Variants in NOL4L observed in about 807,000 individuals in gnomAD.
The protein encoded by NOL4L is nucleolar protein 4 like.
NOL4L carries 7 observed loss-of-function variants against 64.5 expected under a neutral mutation model. That is an observed-to-expected ratio of 0.11 (90% confidence interval 0.06 to 0.20). The LOEUF (loss-of-function observed/expected upper bound fraction) is 0.20. NOL4L is among the 10% of genes least tolerant of loss of function. The pLI is 1.00. For synonymous variants in NOL4L, 413 were observed against 401.0 expected, an observed-to-expected ratio of 1.03 and a Z score of -0.36; for missense variants, 680 against 967.1, an observed-to-expected ratio of 0.70 and a Z score of 3.94.
chr20:32,508,895 A>T (rs372894341), intron 4 of NOL4L, among the ~76,000 whole-genome samples: 336 of 152,244 alleles, frequency 2.2e-3, no homozygotes, highest in African/African-American at 7.8e-3. Context: ...TCGGCAACAG[A>T]ACTCCTCACA....
At chr20:32,488,843 C>CTTTCT (rs1568649020) in intron 4 of NOL4L, among the ~76,000 whole-genome samples, 1 of 62,638 alleles carries the variant, frequency 1.6e-5, no homozygotes, top group Non-Finnish European at 2.7e-5. Context: ...TTCTTTCTTT[C>CTTTCT]TTTCTTTCTT....
At chr20:32,527,257 G>A (rs2018166423) in intron 2 of NOL4L, among the ~76,000 whole-genome samples, 1 of 152,254 alleles carries the variant, frequency 6.6e-6, no homozygotes, top group East Asian at 1.9e-4. Context: ...CCTGGAGGGT[G>A]GGGAGCAGGT....
intron 1 of NOL4L, among the ~76,000 whole-genome samples, chr20:32,552,773 C>CG (rs1463034613): frequency 2.6e-5 from 4 of 152,194 alleles, no homozygotes; most frequent in African/African-American, 4.8e-5. Flanking sequence ...GAGGCCAAGA[C>CG]GGGCAGATTG....
Position 32,460,736 on chromosome 20 carries a change from C to A in NOL4L, c.842-4341G>T, listed in dbSNP as rs757039149. Among the ~76,000 whole-genome samples, 14 of 152,224 alleles carry A rather than the reference C, an allele frequency of 9.2e-5. No homozygotes were observed. The highest frequency in any genetic ancestry group is 1.9e-4 in the Non-Finnish European group (13 of 68,032). On this transcript the variant is annotated intron_variant, in intron 5 of 10. Transcript: ENST00000621426. The surrounding 1 kb of genome is among the most constrained non-coding windows in gnomAD (Gnocchi z 5.7). ...GCTTCTGGGGATCCCGGAGCCCAGC[C>A]TGTGACAGTCTGAGGTGGGCCCAGT...
chr20:32,554,213 C>T (rs1283244268), intron 1 of NOL4L, among the ~76,000 whole-genome samples: 1 of 147,608 alleles, frequency 6.8e-6, no homozygotes, highest in Non-Finnish European at 1.5e-5. Flanking sequence ...CCCAGCTACT[C>T]GGGAGGCTGA....
chr20:32,476,198 GACACACACACACACACACACAC>G, intron 4 of NOL4L, among the ~76,000 whole-genome samples: 1 of 141,084 alleles, frequency 7.1e-6, no homozygotes, highest in Non-Finnish European at 1.5e-5. Flanking sequence ...CACCCGGAGG[GACACACACACACACACACACAC>G]ACACACACAC....
intron 1 of NOL4L, among the ~76,000 whole-genome samples, chr20:32,574,321 C>A (rs1197370709): frequency 1.3e-5 from 2 of 152,144 alleles, no homozygotes; most frequent in Non-Finnish European, 2.9e-5. Context: ...TTTTTCCCAA[C>A]AACCTGCAGG....
At chr20:32,515,875 T>C (rs555253891) in intron 3 of NOL4L, among the ~76,000 whole-genome samples, 4 of 152,330 alleles carry the variant, frequency 2.6e-5, no homozygotes, top group African/African-American at 9.6e-5. Flanking sequence ...CAGAGAGATC[T>C]TTCAACATCT....
Position 32,446,727 on chromosome 20 carries a change from G to C in NOL4L, c.*869C>G, listed in dbSNP as rs573233854. 1 of 154,464 alleles carries C rather than the reference G, an allele frequency of 6.5e-6. No homozygotes were observed. Among genetic ancestry groups the C allele is most frequent in the Non-Finnish European group, 1.4e-5 (1 of 70,972 alleles). The allele number at this position is 154,464 out of a possible 1,614,324, so 9.6% of individuals were successfully genotyped here. A position where few individuals can be genotyped will look rare whatever the true frequency, so the allele number is the denominator to read the frequency against. ...TACCTCCCAGGCAGACACATTGTGTGGGGGAGTTGGGGTTACAGCTGTTCA... is the reference window on the plus strand; with the variant it reads ...TACCTCCCAGGCAGACACATTGTGTCGGGGAGTTGGGGTTACAGCTGTTCA... On this transcript the variant is annotated 3_prime_UTR_variant, in exon 11 of 11. Transcript: ENST00000621426.
rs1041288671 is a variant in NOL4L at position 32,475,103 on chromosome 20, G to C, written c.700-361C>G. 3.5e-5 allele frequency: 34 copies of C among 985,460 alleles called. No homozygotes were observed. In the Admixed American group the frequency reaches 8.0e-4, roughly 23 times the overall value. 61.0% of individuals were successfully genotyped at this position (985,460 alleles called of 1,614,324 possible). ...GCTCCCTGCTCTCAGCCCAGGGACC[G>C]GGGCTCACTCTGCACAGGACCCGGC... On this transcript the variant is annotated intron_variant, in intron 4 of 10. Transcript: ENST00000621426.
chr20:32,488,267 T>G (rs566531800), intron 4 of NOL4L, among the ~76,000 whole-genome samples: 1 of 152,250 alleles, frequency 6.6e-6, no homozygotes, highest in South Asian at 2.1e-4. Flanking sequence ...CAAACTGTGG[T>G]AGACAGTCTC....
intron 4 of NOL4L, chr20:32,510,037 A>C: frequency 2.1e-6 from 2 of 951,874 alleles, no homozygotes; most frequent in Non-Finnish European, 3.0e-6. Flanking sequence ...ATAACCAACA[A>C]CAAAAGCAAC....
intron 1 of NOL4L, among the ~76,000 whole-genome samples, chr20:32,575,694 G>T (rs543156761): frequency 6.6e-6 from 1 of 152,354 alleles, no homozygotes; most frequent in South Asian, 2.1e-4. Flanking sequence ...CGCCCTGCTA[G>T]TGCTCATGGC....
chr20:32,450,653 C>T (rs1051037599), intron 10 of NOL4L, among the ~76,000 whole-genome samples: 10 of 152,248 alleles, frequency 6.6e-5, no homozygotes, highest in Middle Eastern at 6.8e-3. Context: ...ACTTGGCAGC[C>T]GCAGCCCTGA....
chr20:32,518,678 C>T (rs2017785112), intron 3 of NOL4L, among the ~76,000 whole-genome samples: 1 of 152,194 alleles, frequency 6.6e-6, no homozygotes, highest in African/African-American at 2.4e-5. Context: ...GCTATGGAAA[C>T]AATGAGGAAA....
At chr20:32,457,497 T>C (rs2013660395) in intron 5 of NOL4L, among the ~76,000 whole-genome samples, 1 of 149,042 alleles carries the variant, frequency 6.7e-6, no homozygotes, top group African/African-American at 2.5e-5. Context: ...TATGAAGATT[T>C]AGTCCCCGGT....
chr20:32,466,070 C>T (rs1176176643), intron 5 of NOL4L, among the ~76,000 whole-genome samples: 2 of 150,846 alleles, frequency 1.3e-5, no homozygotes, highest in Admixed American at 6.6e-5. Flanking sequence ...TGGGTTCAAG[C>T]GATTCTCCTG....
chr20:32,535,289 A>AC (rs922565592), intron 1 of NOL4L, among the ~76,000 whole-genome samples: 2 of 144,780 alleles, frequency 1.4e-5, no homozygotes, highest in African/African-American at 5.1e-5. Context: ...AAAAAAAAAA[A>AC]CCCTCCAAAA....
At chr20:32,553,064 T>C (rs1202817626) in intron 1 of NOL4L, among the ~76,000 whole-genome samples, 1 of 152,002 alleles carries the variant, frequency 6.6e-6, no homozygotes, top group African/African-American at 2.4e-5. Context: ...CTCACAACCG[T>C]CCTCAGATTC....
Sources: allele counts gnomAD v4.1 joint callset (sites outside exome capture counted in the v4.1 genomes callset), GRCh38; gene constraint gnomAD v4.1.1; non-coding constraint Gnocchi (gnomAD v3.1); transcripts MANE v1.5; gene names NCBI Gene and HGNC (gene_info 2026-07-23, HGNC 2026-07-21).